Variants in FHOD3 observed in about 807,000 individuals in gnomAD.
The protein encoded by FHOD3 is FH1/FH2 domain-containing protein 3.
Under a neutral mutation model 173.0 loss-of-function variants are expected in FHOD3, and 90 were observed. That is an observed-to-expected ratio of 0.52 (90% confidence interval 0.44 to 0.62). The LOEUF is 0.62. FHOD3 is among the 20% of genes least tolerant of loss of function. FHOD3 has a pLI of 0.00. For synonymous variants in FHOD3, 828 were observed against 823.0 expected (o/e 1.01, Z -0.10); for missense variants, 1,945 against 2,034.7 (o/e 0.96, Z 0.85).
chr18:36,603,763 C>T (rs1249359760), intron 8 of FHOD3, among the ~76,000 whole-genome samples: 2 of 152,176 alleles, frequency 1.3e-5, no homozygotes, highest in Non-Finnish European at 2.9e-5. Context: ...TTTGGCCTCC[C>T]AAAGTGCTGG....
rs372110195 is a variant in FHOD3 at position 36,490,006 on chromosome 18, C to T, written c.338-11926C>T. On this transcript the variant is annotated intron_variant, in intron 3 of 28. Transcript: ENST00000590592. ...TGGCTGCCTCGGGGCAGTTGTACTG[C>T]GTTTGAGATGCCACTCATCTGCTTA... 1.8e-3 allele frequency among the ~76,000 whole-genome samples: 275 copies of T among 152,290 alleles called. 2 individuals are homozygous for T. Among genetic ancestry groups the T allele is most frequent in the African/African-American group, 6.5e-3 (272 of 41,560 alleles).
chr18:36,454,509 CCTTT>C lies in FHOD3; in HGVS notation c.338-47419_338-47416del, dbSNP rs570430085. The stretch of plus-strand genomic sequence containing the variant: ...AGCCAAGCCTCATATGATTACATTT[CCTTT>C]CTTGTAGAACCTGTTTTCTTGGAAC... On this transcript the variant is annotated intron_variant, in intron 3 of 28. Transcript: ENST00000590592. Among the ~76,000 whole-genome samples, 581 of 152,266 alleles carry C rather than the reference CCTTT, an allele frequency of 3.8e-3. 1 individual carries two copies. The highest frequency in any genetic ancestry group is 0.013 in the African/African-American group (552 of 41,550).
intron 13 of FHOD3, among the ~76,000 whole-genome samples, chr18:36,657,867 G>GTT (rs1306766987): frequency 1.3e-5 from 2 of 152,096 alleles, no homozygotes; most frequent in African/African-American, 4.8e-5. Context: ...CTGCCTAATG[G>GTT]TTTTAGACTT....
chr18:36,583,513 C>G (rs2058926365), intron 6 of FHOD3, among the ~76,000 whole-genome samples: 1 of 152,216 alleles, frequency 6.6e-6, no homozygotes. Flanking sequence ...AGAGGAGAAG[C>G]CTCTGGCTGG....
intron 5 of FHOD3, among the ~76,000 whole-genome samples, chr18:36,539,179 A>G (rs935449764): frequency 2.0e-5 from 3 of 152,250 alleles, no homozygotes; most frequent in African/African-American, 7.2e-5. Context: ...CAACGAAGTG[A>G]TATCATAGTC....
At chr18:36,593,327 T>A (rs1301755103) in intron 6 of FHOD3, among the ~76,000 whole-genome samples, 1 of 152,118 alleles carries the variant, frequency 6.6e-6, no homozygotes, top group Non-Finnish European at 1.5e-5. Context: ...TGAAGAAGTT[T>A]CCTCATATAG....
At chr18:36,641,350 T>G (rs1226724873) in intron 10 of FHOD3, among the ~76,000 whole-genome samples, 1 of 152,076 alleles carries the variant, frequency 6.6e-6, no homozygotes, top group African/African-American at 2.4e-5. Context: ...AAGACGAAGT[T>G]GGAGAGGTGA....
intron 15 of FHOD3, among the ~76,000 whole-genome samples, chr18:36,685,579 A>G (rs2038556249): frequency 6.6e-6 from 1 of 152,220 alleles, no homozygotes; most frequent in African/African-American, 2.4e-5. Flanking sequence ...ATTTAGTTCT[A>G]GTGTGGAAAG....
At chr18:36,322,594 C>T (rs912973282) in intron 1 of FHOD3, among the ~76,000 whole-genome samples, 3 of 152,080 alleles carry the variant, frequency 2.0e-5, no homozygotes, top group Admixed American at 2.0e-4. Context: ...GTTGGAGCTG[C>T]AAGATCCAGC....
intron 5 of FHOD3, among the ~76,000 whole-genome samples, chr18:36,546,621 T>C (rs2057420298): frequency 1.3e-5 from 2 of 152,176 alleles, no homozygotes; most frequent in South Asian, 4.1e-4. Flanking sequence ...TGGTAATTAA[T>C]GAGAGTTCAG....
rs76010510 is a variant in FHOD3, at chr18:36,312,790, A to G, written c.165+14790A>G. ...CTCAGAAAATGTGGGTGCCTATATT[A>G]GTTATCTATGGCTATGAATAAATCA... On this transcript the variant is annotated intron_variant, in intron 1 of 28. Coordinates refer to ENST00000590592, the MANE Select transcript of FHOD3 (RefSeq NM_001281740.3). Among the ~76,000 whole-genome samples the G allele has an allele frequency of 5.0e-3, 760 of 152,348 alleles. 9 individuals carry two copies. The highest frequency in any genetic ancestry group is 0.017 in the African/African-American group (725 of 41,576).
At chr18:36,460,211 T>A (rs2052470797) in intron 3 of FHOD3, among the ~76,000 whole-genome samples, 1 of 152,136 alleles carries the variant, frequency 6.6e-6, no homozygotes. Flanking sequence ...CTGCTACTCT[T>A]TCTCTCCCCT....
chr18:36,394,955 A>C (rs1247997457), intron 3 of FHOD3, among the ~76,000 whole-genome samples: 1 of 152,200 alleles, frequency 6.6e-6, no homozygotes, highest in Non-Finnish European at 1.5e-5. Flanking sequence ...GTTCTGTGCT[A>C]CAAGGTTTTT....
At chr18:36,540,953 A>G (rs991416623) in intron 5 of FHOD3, among the ~76,000 whole-genome samples, 3 of 152,338 alleles carry the variant, frequency 2.0e-5, no homozygotes, top group African/African-American at 7.2e-5. Context: ...AAAGGAGATT[A>G]TTAAAAGAAA....
At chr18:36,712,095 G>A (rs2040199986) in intron 18 of FHOD3, among the ~76,000 whole-genome samples, 1 of 152,196 alleles carries the variant, frequency 6.6e-6, no homozygotes, top group South Asian at 2.1e-4. Flanking sequence ...CCAGCAAGGA[G>A]CTGAACATCT....
At chr18:36,340,281 G>A (rs1231192022) in intron 1 of FHOD3, among the ~76,000 whole-genome samples, 1 of 152,128 alleles carries the variant, frequency 6.6e-6, no homozygotes, top group African/African-American at 2.4e-5. Context: ...ATGTAGTTTA[G>A]CCACCTAGGA....
intron 15 of FHOD3, among the ~76,000 whole-genome samples, chr18:36,685,739 G>T (rs976010048): frequency 6.6e-6 from 1 of 152,096 alleles, no homozygotes; most frequent in African/African-American, 2.4e-5. Flanking sequence ...ATATTATGAG[G>T]TCCAGTGTTG....
intron 24 of FHOD3, among the ~76,000 whole-genome samples, chr18:36,754,454 T>C (rs890624979): frequency 1.3e-5 from 2 of 152,130 alleles, no homozygotes; most frequent in Non-Finnish European, 2.9e-5. Flanking sequence ...AAACAAATAA[T>C]GTTTAATAAT....
chr18:36,738,074 T>C (rs2041728523), intron 20 of FHOD3, among the ~76,000 whole-genome samples: 1 of 152,254 alleles, frequency 6.6e-6, no homozygotes, highest in African/African-American at 2.4e-5. Flanking sequence ...AAGAATGTCC[T>C]GTAAATAGCA....
Sources: gnomAD v4.1 joint callset for allele counts (sites outside exome capture counted in the v4.1 genomes callset) on GRCh38, gnomAD v4.1.1 for gene constraint, MANE v1.5 for transcripts, NCBI Gene and HGNC (gene_info 2026-07-23, HGNC 2026-07-21) for gene names.